Variants in ZNF737 observed in about 807,000 individuals in gnomAD.
ZNF737 encodes zinc finger protein 102 (Y3).
A neutral mutation model predicts 11.7 loss-of-function variants in ZNF737; 13 were observed. The observed-to-expected ratio is 1.11, with a 90% CI of 0.73 to 1.77. The LOEUF is 1.77. Ranked by LOEUF, ZNF737 falls within the 40% of genes most tolerant of loss-of-function variation. ZNF737 has a pLI of 0.00. For synonymous variants in ZNF737, 217 were observed against 216.2 expected, an observed-to-expected ratio of 1.00 and a Z score of -0.03; for missense variants, 636 against 638.0, an observed-to-expected ratio of 1.00 and a Z score of 0.03.
chr19:20,564,884 T>C (rs1208763801), intron 1 of ZNF737, among the ~76,000 whole-genome samples: 2 of 151,506 alleles, frequency 1.3e-5, no homozygotes, highest in Non-Finnish European at 2.9e-5. Flanking sequence ...GGAAACAAAA[T>C]TCAGGCTTAA....
Position 20,543,525 on chromosome 19 carries a change from A to G in ZNF737, c.*1067T>C. 1.0e-6 allele frequency: 1 copy of G among 974,456 alleles called. No individual in the cohort carries two copies. The highest frequency in any genetic ancestry group is 1.2e-6 in the Non-Finnish European group (1 of 820,126). 60.4% of individuals were successfully genotyped at this position (974,456 alleles called of 1,614,324 possible). A position where few individuals can be genotyped will look rare whatever the true frequency, so the allele number is the denominator to read the frequency against. On this transcript the variant is annotated 3_prime_UTR_variant, in exon 4 of 4. Coordinates refer to ENST00000427401, the MANE Select transcript of ZNF737 (RefSeq NM_001159293.2). Reference sequence around the variant, plus strand: ...GAGTAGGAATTAATAGGTTTTCCATATTCCTTCTATTTGTACAATTTTTCT... The same window carrying G: ...GAGTAGGAATTAATAGGTTTTCCATGTTCCTTCTATTTGTACAATTTTTCT...
At chr19:20,537,124 G>T (rs1218751394), downstream of ZNF737, among the ~76,000 whole-genome samples, 1 of 151,694 alleles carries the variant, frequency 6.6e-6, no homozygotes, top group Non-Finnish European at 1.5e-5. Flanking sequence ...AACAAAAACT[G>T]ATCATGAATA....
At chr19:20,534,774 T>C (rs1346660595), downstream of ZNF737, among the ~76,000 whole-genome samples, 1 of 149,924 alleles carries the variant, frequency 6.7e-6, no homozygotes, top group African/African-American at 2.5e-5. Flanking sequence ...TTCATACAAC[T>C]GGGAGAGATG....
chr19:20,565,544 G>C, intron 1 of ZNF737, 94 bp downstream of exon 1: 2 of 1,595,264 alleles, frequency 1.3e-6, no homozygotes, highest in South Asian at 2.2e-5. Flanking sequence ...TTGTGGAGCT[G>C]ACTGCGCAGA....
At chr19:20,549,714 G>T (rs1377973226) in intron 3 of ZNF737, among the ~76,000 whole-genome samples, 7 of 148,558 alleles carry the variant, frequency 4.7e-5, no homozygotes, top group Non-Finnish European at 8.9e-5. Context: ...CAGATCACCT[G>T]AGGTCAGGAG....
At chr19:20,550,642 C>T (rs1471550212) in intron 3 of ZNF737, among the ~76,000 whole-genome samples, 1 of 152,154 alleles carries the variant, frequency 6.6e-6, no homozygotes, top group Non-Finnish European at 1.5e-5. Flanking sequence ...GTAATGACAG[C>T]TCCATGGAAC....
chr19:20,539,664 A>C lies in ZNF737; in HGVS notation c.*4928T>G, dbSNP rs1968120369. 3.2e-6 allele frequency: 3 copies of C among 934,456 alleles called. No individual in the cohort carries two copies. In the South Asian group the frequency reaches 1.5e-4, roughly 46 times the overall value. The allele number at this position is 934,456 out of a possible 1,614,324, so 57.9% of individuals were successfully genotyped here. On this transcript the variant is annotated 3_prime_UTR_variant, in exon 4 of 4. Coordinates refer to ENST00000427401, the MANE Select transcript of ZNF737 (RefSeq NM_001159293.2). ...TTACAGTATAGTAGAATCCTCTATA[A>C]TTAGAAGTTAATTATTTATAAATTC...
At chr19:20,537,205 CTTTTTCT>C (rs1413540991), downstream of ZNF737, among the ~76,000 whole-genome samples, 2 of 127,504 alleles carry the variant, frequency 1.6e-5, no homozygotes, top group African/African-American at 6.3e-5. Flanking sequence ...TTTTTTTTTT[CTTTTTCT>C]TTTTTGAGAT....
Position 20,544,052 on chromosome 19 carries a change from C to G in ZNF737, c.*540G>C, listed in dbSNP as rs781954844. 1.8e-4 allele frequency: 146 copies of G among 814,360 alleles called. No individual in the cohort carries two copies. In the Middle Eastern group the frequency reaches 5.8e-3, roughly 32 times the overall value. 50.4% of individuals were successfully genotyped at this position (814,360 alleles called of 1,614,324 possible). The stretch of plus-strand genomic sequence containing the variant: ...CTGAGGTAGGAGAATGGCTTAAACC[C>G]AGGAGGCAGAGGTTGCAGTGAGCCG... On this transcript the variant is annotated 3_prime_UTR_variant, in exon 4 of 4. Transcript: ENST00000427401.
In ZNF737 at chr19:20,542,087, T is replaced by C. The variant is rs1340478739; in HGVS notation, c.*2505A>G. 1 of 984,930 alleles carries C rather than the reference T, an allele frequency of 1.0e-6. No homozygotes were observed. The highest frequency in any genetic ancestry group is 1.2e-6 in the Non-Finnish European group (1 of 829,590). The allele number at this position is 984,930 out of a possible 1,614,324, so 61.0% of individuals were successfully genotyped here. ...ACTAAAGATGTTATTTTACAATGTA[T>C]GAAATAGTATATTCCTACAATATTG... is the stretch of plus-strand genomic sequence containing the variant. On this transcript the variant is annotated 3_prime_UTR_variant, in exon 4 of 4. Transcript: ENST00000427401.
chr19:20,536,594 G>T (rs535468198), downstream of ZNF737, among the ~76,000 whole-genome samples: 2 of 152,112 alleles, frequency 1.3e-5, no homozygotes, highest in East Asian at 3.9e-4. Flanking sequence ...TAGATCACAG[G>T]GTCAGGAGCT....
intron 3 of ZNF737, among the ~76,000 whole-genome samples, chr19:20,550,020 C>T (rs773286842): frequency 2.4e-4 from 37 of 151,688 alleles, no homozygotes; most frequent in Non-Finnish European, 7.4e-5. Flanking sequence ...CATTAGCATG[C>T]ACTGTGTGGC....
chr19:20,530,762 G>A, the ZNF737 span, among the ~76,000 whole-genome samples: 2 of 146,812 alleles, frequency 1.4e-5, no homozygotes, highest in African/African-American at 5.1e-5. Flanking sequence ...CCAGGCAGAG[G>A]GGCTCCTCAC....
Position 20,538,455 on chromosome 19 carries a change from T to C in ZNF737, c.*6137A>G, listed in dbSNP as rs1250225600. ...GGGACATACAGAATGTGAGGTCCCA[T>C]TCCAGCCAATGAAAACCAGACACAG... On this transcript the variant is annotated 3_prime_UTR_variant, in exon 4 of 4. Coordinates refer to ENST00000427401, the MANE Select transcript of ZNF737 (RefSeq NM_001159293.2). Among the ~76,000 whole-genome samples, 1 of 152,214 alleles carries C rather than the reference T, an allele frequency of 6.6e-6. No homozygotes were observed. The highest frequency in any genetic ancestry group is 6.6e-5 in the Admixed American group (1 of 15,262).
downstream of ZNF737, among the ~76,000 whole-genome samples, chr19:20,537,115 A>ACAAAAAC (rs1967997282): frequency 6.6e-6 from 1 of 152,158 alleles, no homozygotes; most frequent in African/African-American, 2.4e-5. Context: ...AAAACAAAAA[A>ACAAAAAC]CAAAAACTGA....
In ZNF737 at chr19:20,545,344, A is replaced by G; in HGVS notation, c.859T>C (p.Cys287Arg). 1 of 1,613,812 alleles carries G rather than the reference A, an allele frequency of 6.2e-7. No homozygotes were observed. ...IIHTGEKPYK[C>R]EECGKAFKRS... ...TTAAAGGCCTTGCCACATTCTTCAC[A>G]TTTGTAGGGTTTCTCTCCAGTATGA... is the stretch of plus-strand genomic sequence containing the variant. Residue 287 changes from cysteine to arginine, a missense_variant, in exon 4 of 4, where the codon TGT becomes CGT. Coordinates refer to ENST00000427401, the MANE Select transcript of ZNF737 (RefSeq NM_001159293.2).
chr19:20,534,848 C>G (rs1377470689), downstream of ZNF737, among the ~76,000 whole-genome samples: 1 of 149,864 alleles, frequency 6.7e-6, no homozygotes, highest in Non-Finnish European at 1.5e-5. Flanking sequence ...TAGATAATTT[C>G]TGTTTTACTA....
chr19:20,554,204 C>T (rs925412522), intron 1 of ZNF737, among the ~76,000 whole-genome samples: 2 of 152,080 alleles, frequency 1.3e-5, no homozygotes, highest in African/African-American at 4.8e-5. Context: ...TAAATATATA[C>T]AATAAGTTGA....
downstream of ZNF737, among the ~76,000 whole-genome samples, chr19:20,533,093 A>C (rs1555753179): frequency 1.3e-5 from 2 of 150,066 alleles, no homozygotes; most frequent in Admixed American, 1.3e-4. Flanking sequence ...CTCTGACCCT[A>C]CATACAACAA....
Sources: gnomAD v4.1 joint callset for allele counts (sites outside exome capture counted in the v4.1 genomes callset) on GRCh38, gnomAD v4.1.1 for gene constraint, MANE v1.5 for transcripts, NCBI Gene and HGNC (gene_info 2026-07-23, HGNC 2026-07-21) for gene names.